Variants in RABGAP1 observed in about 807,000 individuals in gnomAD.
RABGAP1 encodes RAB GTPase activating protein 1.
A neutral mutation model predicts 137.6 loss-of-function variants in RABGAP1; 23 were observed. The ratio of observed to expected loss-of-function variants is 0.17; its 90% confidence interval spans 0.12 to 0.24. The LOEUF (loss-of-function observed/expected upper bound fraction) is 0.24. Among genes scored for constraint, RABGAP1 ranks in the 10% least tolerant of loss-of-function variants. The probability of loss-of-function intolerance (pLI) is 1.00; values close to 1 mark genes in which losing one functional copy is unlikely to be tolerated. For synonymous variants in RABGAP1, 451 were observed against 450.7 expected (o/e 1.00, Z -0.01); for missense variants, 906 against 1,275.8 (o/e 0.71, Z 4.42).
chr9:123,090,766 A>G (rs1360550752), intron 21 of RABGAP1, among the ~76,000 whole-genome samples: 1 of 152,236 alleles, frequency 6.6e-6, no homozygotes, highest in Non-Finnish European at 1.5e-5. Context: ...TGACTGTTGA[A>G]AAAGCATTGC....
chr9:122,959,821 A>C (rs1376490328), intron 2 of RABGAP1, among the ~76,000 whole-genome samples: 1 of 152,172 alleles, frequency 6.6e-6, no homozygotes, highest in African/African-American at 2.4e-5. Flanking sequence ...AAGTGTGACT[A>C]AGAGTTGGGG....
chr9:123,076,063 G>A (rs1325247656), intron 17 of RABGAP1, among the ~76,000 whole-genome samples, 182 bp from the exon 18 acceptor site: 1 of 152,198 alleles, frequency 6.6e-6, no homozygotes, highest in African/African-American at 2.4e-5. Context: ...AAAAGGGGAA[G>A]CTAGGTCTTT....
intron 12 of RABGAP1, among the ~76,000 whole-genome samples, chr9:123,017,323 C>G (rs1244406750): frequency 6.6e-6 from 1 of 152,098 alleles, no homozygotes; most frequent in Non-Finnish European, 1.5e-5. Context: ...GTTTTGTTAT[C>G]AAGCTTTGTT....
At chr9:123,085,533 A>G (rs1030049165) in intron 19 of RABGAP1, among the ~76,000 whole-genome samples, 5 of 152,206 alleles carry the variant, frequency 3.3e-5, no homozygotes, top group African/African-American at 4.8e-5. Flanking sequence ...TGAATTTCAA[A>G]TTTAATTTTC....
chr9:123,055,510 G>A (rs1376532698), intron 13 of RABGAP1, among the ~76,000 whole-genome samples: 3 of 150,840 alleles, frequency 2.0e-5, no homozygotes, highest in Non-Finnish European at 4.4e-5. Context: ...GGAATTACAG[G>A]TGTGAGCCAT....
intron 8 of RABGAP1, 24 bp from the exon 9 acceptor site, chr9:122,997,235 T>C (rs1309402621): frequency 5.1e-6 from 8 of 1,560,766 alleles, no homozygotes; most frequent in South Asian, 3.5e-5. Context: ...GGCATTCGGG[T>C]TTATTTTTAC....
chr9:123,021,134 G>A (rs1252916215), intron 13 of RABGAP1, among the ~76,000 whole-genome samples: 1 of 152,022 alleles, frequency 6.6e-6, no homozygotes, highest in Non-Finnish European at 1.5e-5. Flanking sequence ...TTCTCCAATA[G>A]TATGCAAATC....
At chr9:123,033,969 A>G (rs1309515385) in intron 13 of RABGAP1, among the ~76,000 whole-genome samples, 1 of 152,162 alleles carries the variant, frequency 6.6e-6, no homozygotes, top group East Asian at 1.9e-4. Flanking sequence ...GTTTTGTTTT[A>G]TGCTGATCTT....
chr9:123,026,046 G>C (rs1306239540), intron 13 of RABGAP1, among the ~76,000 whole-genome samples: 1 of 145,078 alleles, frequency 6.9e-6, no homozygotes. Flanking sequence ...GTTTTTGGCC[G>C]GGCGCAGTGG....
upstream of RABGAP1, chr9:122,939,803 A>G (rs1833462937): frequency 6.6e-6 from 1 of 152,250 alleles, no homozygotes; most frequent in Non-Finnish European, 1.5e-5. Context: ...GGGTACACCC[A>G]CATCTATTGT....
At chr9:123,053,670 T>C (rs151250817) in intron 13 of RABGAP1, among the ~76,000 whole-genome samples, 1 of 152,228 alleles carries the variant, frequency 6.6e-6, no homozygotes, top group Non-Finnish European at 1.5e-5. Flanking sequence ...TTATTCTGTT[T>C]TCTTAACTGT....
chr9:123,077,610 C>CATTGT (rs71508192), intron 19 of RABGAP1, among the ~76,000 whole-genome samples: 4,572 of 91,320 alleles, frequency 0.05, 835 homozygotes, highest in South Asian at 0.065. Flanking sequence ...GTTATCATAA[C>CATTGT]ATTGTATTGT....
intron 21 of RABGAP1, among the ~76,000 whole-genome samples, chr9:123,091,006 A>T (rs2035016848): frequency 6.6e-6 from 1 of 152,212 alleles, no homozygotes; most frequent in Non-Finnish European, 1.5e-5. Flanking sequence ...CTGTAAAGGG[A>T]TGGATAATAA....
At chr9:123,027,867 G>T (rs2032070124) in intron 13 of RABGAP1, among the ~76,000 whole-genome samples, 1 of 152,180 alleles carries the variant, frequency 6.6e-6, no homozygotes, top group African/African-American at 2.4e-5. Context: ...GAAAATAGTG[G>T]CTGGTGGATG....
chr9:122,946,453 C>T (rs1250425633), intron 1 of RABGAP1, among the ~76,000 whole-genome samples: 2 of 152,082 alleles, frequency 1.3e-5, no homozygotes, highest in Non-Finnish European at 2.9e-5. Context: ...CTTTGACTAA[C>T]CCTGCGTTGC....
intron 23 of RABGAP1, among the ~76,000 whole-genome samples, 200 bp downstream of exon 23, chr9:123,098,998 AC>A (rs1166041283): frequency 3.9e-5 from 6 of 151,984 alleles, no homozygotes; most frequent in Non-Finnish European, 8.8e-5. Flanking sequence ...GAAGGTTGTT[AC>A]GAGGATTTAA....
Position 123,010,432 on chromosome 9 carries a change from A to G in RABGAP1, c.1453A>G (p.Arg485Gly). ...CTTGGAAAGTGAATCAGAAAGAGAGAGGAGGAAAACTACAGCCAGTCCTTC... is the reference window on the plus strand; with the variant it reads ...CTTGGAAAGTGAATCAGAAAGAGAGGGGAGGAAAACTACAGCCAGTCCTTC... ...VCLESESERE[R>G]RKTTASPSVR... Residue 485 changes from arginine (R) to glycine (G), a missense_variant, in exon 11 of 26, where the codon AGG (arginine) becomes GGG (glycine). Around this residue, in one of 9 missense-constraint regions of RABGAP1, gnomAD observed 212 missense variants for 289.4 expected, o/e 0.73. Coordinates refer to ENST00000373647, the MANE Select transcript of RABGAP1 (RefSeq NM_012197.4). The G allele has an allele frequency of 1.2e-6, 2 of 1,613,850 alleles. No individual in the cohort carries two copies. The highest frequency in any genetic ancestry group is 2.2e-5 in the South Asian group (2 of 91,058).
intron 13 of RABGAP1, chr9:123,034,734 A>G: frequency 3.1e-6 from 5 of 1,613,884 alleles, no homozygotes; most frequent in Non-Finnish European, 4.2e-6. Flanking sequence ...TTCACTGTGC[A>G]CCTTTGTTGA....
chr9:122,975,856 G>A (rs1455595372), intron 2 of RABGAP1, among the ~76,000 whole-genome samples: 1 of 152,172 alleles, frequency 6.6e-6, no homozygotes, highest in East Asian at 1.9e-4. Flanking sequence ...TTTTAGAGAT[G>A]AGACAGTTGG....
Sources: allele counts gnomAD v4.1 joint callset (sites outside exome capture counted in the v4.1 genomes callset), GRCh38; gene constraint gnomAD v4.1.1; regional missense constraint gnomAD v4.1.1; transcripts MANE v1.5; gene names NCBI Gene and HGNC (gene_info 2026-07-23, HGNC 2026-07-21).